The following LRP1B variants were observed in gnomAD, a reference collection of about 807,000 sequenced individuals.
LRP1B encodes the protein low-density lipoprotein receptor-related protein 1B.
In LRP1B, 217 loss-of-function variants were observed where a neutral mutation model predicts 556.6. The ratio of observed to expected loss-of-function variants is 0.39; its 90% confidence interval spans 0.35 to 0.44. The LOEUF (loss-of-function observed/expected upper bound fraction) is 0.44. Ranked by LOEUF, LRP1B falls within the 20% of genes least tolerant of loss-of-function variation. LRP1B has a pLI of 1.00. For missense variants in LRP1B, 5,053 were observed against 5,620.8 expected (o/e 0.90, Z 3.23); for synonymous variants, 2,047 against 1,865.8 (o/e 1.10, Z -2.50).
intron 5 of LRP1B, among the ~76,000 whole-genome samples, chr2:141,238,568 C>A (rs948382241): frequency 6.6e-6 from 1 of 151,990 alleles, no homozygotes; most frequent in Non-Finnish European, 1.5e-5. Context: ...CTAACAAAAT[C>A]TTTGCTTTTA....
Position 140,668,300 on chromosome 2 carries a change from A to C in LRP1B, c.6799+31950T>G. 1.5e-5 allele frequency among the ~76,000 whole-genome samples: 2 copies of C among 132,422 alleles called. 1 individual carries two copies. The highest frequency in any genetic ancestry group is 4.8e-4 in the East Asian group (2 of 4,160). The allele number at this position is 132,422 out of a possible 152,430, so 86.9% of individuals were successfully genotyped here. On this transcript the variant is annotated intron_variant, in intron 41 of 90. Transcript: ENST00000389484. The stretch of plus-strand genomic sequence containing the variant: ...ACTCCAGCCTGGGTGACAGAGCGAG[A>C]CTCCGTCTCAAAAAAAAAAAAAAAA...
chr2:140,237,245 T>G (rs1680750062), intron 89 of LRP1B, among the ~76,000 whole-genome samples: 1 of 150,990 alleles, frequency 6.6e-6, no homozygotes, highest in Admixed American at 6.6e-5. Flanking sequence ...GATTCACATG[T>G]GAGTGAGATC....
intron 3 of LRP1B, among the ~76,000 whole-genome samples, chr2:141,261,606 C>A (rs1427545102): frequency 6.6e-6 from 1 of 151,974 alleles, no homozygotes; most frequent in African/African-American, 2.4e-5. Flanking sequence ...ATGAAATCAT[C>A]TAGTATTTAG....
At chr2:141,372,321 C>T (rs187437053) in intron 3 of LRP1B, among the ~76,000 whole-genome samples, 16 of 152,080 alleles carry the variant, frequency 1.1e-4, no homozygotes, top group South Asian at 2.1e-4. Context: ...CTATGTTCAT[C>T]GGAGATATTG....
intron 18 of LRP1B, among the ~76,000 whole-genome samples, chr2:140,971,891 C>T (rs1696437735): frequency 6.6e-6 from 1 of 152,186 alleles, no homozygotes; most frequent in African/African-American, 2.4e-5. Context: ...TCCTGGACTC[C>T]ATCCAAGACC....
intron 1 of LRP1B, among the ~76,000 whole-genome samples, chr2:141,905,919 T>C (rs1480814308): frequency 6.6e-6 from 1 of 150,562 alleles, no homozygotes; most frequent in Non-Finnish European, 1.5e-5. Flanking sequence ...TGTATACACA[T>C]CTCTAAGAGG....
chr2:141,660,026 C>T (rs74871117), intron 2 of LRP1B, among the ~76,000 whole-genome samples: 7,807 of 152,038 alleles, frequency 0.051, 217 homozygotes, highest in South Asian at 0.083. Flanking sequence ...GTTTCCCTGG[C>T]AGAGAGGGGC....
chr2:141,500,116 C>T (rs538067132), intron 2 of LRP1B, among the ~76,000 whole-genome samples: 1 of 152,202 alleles, frequency 6.6e-6, no homozygotes, highest in South Asian at 2.1e-4. Context: ...GGATGTCTTA[C>T]TGAAGACAGT....
At chr2:140,978,590 T>TA (rs1031047287) in intron 18 of LRP1B, among the ~76,000 whole-genome samples, 5 of 152,160 alleles carry the variant, frequency 3.3e-5, no homozygotes, top group Admixed American at 3.3e-4. Context: ...GAGTGCTTTT[T>TA]AAAAAATTGC....
chr2:140,492,088 G>A lies in LRP1B; in HGVS notation c.9120+520C>T, dbSNP rs537821295. On this transcript the variant is annotated intron_variant, in intron 57 of 90. Coordinates refer to ENST00000389484, the MANE Select transcript of LRP1B (RefSeq NM_018557.3). Reference sequence around the variant, plus strand: ...AGAAATCTGGATTTTCATCTGACGTGTTTATTTTTAACCTGTGACATAGAG... The same window carrying A: ...AGAAATCTGGATTTTCATCTGACGTATTTATTTTTAACCTGTGACATAGAG... Among the ~76,000 whole-genome samples the A allele has an allele frequency of 2.0e-5, 3 of 152,212 alleles. No individual in the cohort carries two copies. In the East Asian group the frequency reaches 5.8e-4, roughly 29 times the overall value.
intron 1 of LRP1B, among the ~76,000 whole-genome samples, chr2:141,885,535 A>T (rs1319400749): frequency 6.6e-6 from 1 of 152,192 alleles, no homozygotes; most frequent in Non-Finnish European, 1.5e-5. Context: ...GACCTTGAAG[A>T]GGTGCTGGCA....
At chr2:140,384,125 C>T (rs773845315) in intron 67 of LRP1B, among the ~76,000 whole-genome samples, 2 of 152,154 alleles carry the variant, frequency 1.3e-5, no homozygotes, top group Non-Finnish European at 2.9e-5. Context: ...ATAGATTCAA[C>T]CACACCATGA....
At chr2:141,796,056 C>T (rs1695802458) in intron 2 of LRP1B, among the ~76,000 whole-genome samples, 1 of 151,038 alleles carries the variant, frequency 6.6e-6, no homozygotes, top group Non-Finnish European at 1.5e-5. Flanking sequence ...GATAGCCAAT[C>T]CAATTACTGT....
intron 2 of LRP1B, among the ~76,000 whole-genome samples, chr2:141,738,022 CCT>C (rs1453865911): frequency 6.6e-6 from 1 of 151,892 alleles, no homozygotes; most frequent in African/African-American, 2.4e-5. Context: ...ACTCGTTGAT[CCT>C]CTCTTGCTGA....
At chr2:142,031,672 T>C (rs915031740) in intron 1 of LRP1B, among the ~76,000 whole-genome samples, 6 of 151,600 alleles carry the variant, frequency 4.0e-5, no homozygotes, top group African/African-American at 1.5e-4. Flanking sequence ...CAACTCCTCT[T>C]CCCATTTCCC....
At chr2:140,968,139 G>A (rs866078730) in intron 18 of LRP1B, among the ~76,000 whole-genome samples, 2 of 151,364 alleles carry the variant, frequency 1.3e-5, no homozygotes, top group Non-Finnish European at 2.9e-5. Context: ...GGTAGAATTC[G>A]GCTGTGAATC....
intron 43 of LRP1B, among the ~76,000 whole-genome samples, chr2:140,561,765 C>T (rs1379223993): frequency 6.6e-6 from 1 of 151,606 alleles, no homozygotes; most frequent in African/African-American, 2.4e-5. Context: ...ACTAGAGTAA[C>T]CCTAATACCT....
rs72994942 is a variant in LRP1B at position 141,861,085 on chromosome 2, C to G, written c.83-50684G>C. Among the ~76,000 whole-genome samples, 1,104 of 152,198 alleles carry G rather than the reference C, an allele frequency of 7.3e-3. 17 individuals carry two copies. Among genetic ancestry groups the G allele is most frequent in the African/African-American group, 0.024 (994 of 41,538 alleles). ...CGATAAATTTTAAAATAAATTTTTA[C>G]TTTTAAAGTTCTAGAGTAGTAAAAA... On this transcript the variant is annotated intron_variant, in intron 1 of 90. Transcript: ENST00000389484.
intron 2 of LRP1B, among the ~76,000 whole-genome samples, chr2:141,656,573 T>C (rs1285923275): frequency 1.3e-5 from 2 of 152,156 alleles, no homozygotes; most frequent in Non-Finnish European, 2.9e-5. Context: ...AATTAAATGA[T>C]AGTTTTATTC....
Sources: allele counts gnomAD v4.1 joint callset (sites outside exome capture counted in the v4.1 genomes callset), GRCh38; gene constraint gnomAD v4.1.1; transcripts MANE v1.5; gene names NCBI Gene and HGNC (gene_info 2026-07-23, HGNC 2026-07-21).